Variants in GDPGP1 observed in about 807,000 individuals in gnomAD.
GDPGP1 encodes the protein GDP-D-glucose phosphorylase C15orf58.
Under a neutral mutation model 19.2 loss-of-function variants are expected in GDPGP1, and 18 were observed. The observed-to-expected ratio is 0.94, with a 90% CI of 0.65 to 1.39. GDPGP1 has a LOEUF of 1.39. GDPGP1 is among the 40% of genes most tolerant of loss of function. GDPGP1 has a pLI of 0.00. For missense variants in GDPGP1, 449 were observed against 490.5 expected (o/e 0.92, Z 0.80); for synonymous variants, 219 against 208.9 (o/e 1.05, Z -0.42).
In GDPGP1 at chr15:90,242,328, T is replaced by G. The variant is rs933681737; in HGVS notation, c.*262T>G. 1.5e-5 allele frequency: 4 copies of G among 269,414 alleles called. No homozygotes were observed. The highest frequency in any genetic ancestry group is 5.2e-5 in the Admixed American group (1 of 19,324). The allele number at this position is 269,414 out of a possible 1,614,324, so 16.7% of individuals were successfully genotyped here. A position where few individuals can be genotyped will look rare whatever the true frequency, so the allele number is the denominator to read the frequency against. On this transcript the variant is annotated 3_prime_UTR_variant, in exon 4 of 4. Transcript: ENST00000329600. ...TTTATATAGACAGCGTTTCACCATGTTGCCCAGGCTGGTCTTGAACTCTTG... is the reference window on the plus strand; with the variant it reads ...TTTATATAGACAGCGTTTCACCATGGTGCCCAGGCTGGTCTTGAACTCTTG...
rs1962767778 is a variant in GDPGP1, at chr15:90,241,809, T to G, written c.901T>G (p.Ser301Ala). 6.2e-7 allele frequency: 1 copy of G among 1,614,118 alleles called. No homozygotes were observed. The highest frequency in any genetic ancestry group is 8.5e-7 in the Non-Finnish European group (1 of 1,180,046). Residue 301 changes from serine to alanine, a missense_variant, in exon 4 of 4, where the codon TCA becomes GCA. Coordinates refer to ENST00000329600, the MANE Select transcript of GDPGP1 (RefSeq NM_001013657.3). ...VTRGAPPGKT[S>A]PSSALTGVRV... ...CCGGGGAGCTCCGCCGGGAAAGACATCACCTTCCTCAGCCCTCACAGGGGT... is the reference window on the plus strand; with the variant it reads ...CCGGGGAGCTCCGCCGGGAAAGACAGCACCTTCCTCAGCCCTCACAGGGGT...
chr15:90,241,102 C>T lies in GDPGP1; in HGVS notation c.194C>T (p.Ser65Phe), dbSNP rs1385656654. The change falls in exon 4 of 4, where the codon TCT becomes TTT. Residue 65 changes from serine to phenylalanine, a missense_variant. Coordinates refer to ENST00000329600, the MANE Select transcript of GDPGP1 (RefSeq NM_001013657.3). Reference sequence around the variant, plus strand: ...TCTCCCTTTGATGCTGCACTCTGCTCTGCCTGGAAGCAGCGGGTGGAGCTG... The same window carrying T: ...TCTCCCTTTGATGCTGCACTCTGCTTTGCCTGGAAGCAGCGGGTGGAGCTG... Reference protein sequence around the residue: ...PQSPFDAALCSAWKQRVELGL... With the variant: ...PQSPFDAALCFAWKQRVELGL... 1.9e-6 allele frequency: 3 copies of T among 1,614,184 alleles called. No individual in the cohort carries two copies.
At chr15:90,240,106 C>CTATAAT (rs200702558) in intron 3 of GDPGP1, among the ~76,000 whole-genome samples, 3,666 of 151,984 alleles carry the variant, frequency 0.024, 142 homozygotes, top group African/African-American at 0.08. Flanking sequence ...TCCTATAATC[C>CTATAAT]CAGCTACTTG....
Position 90,237,505 on chromosome 15 carries a change from C to T in GDPGP1, c.-66-987C>T, listed in dbSNP as rs148826632. Among the ~76,000 whole-genome samples, 1,158 of 152,026 alleles carry T rather than the reference C, an allele frequency of 7.6e-3. 8 individuals are homozygous for T. Among genetic ancestry groups the T allele is most frequent in the Non-Finnish European group, 0.012 (790 of 67,948 alleles). ...TTCACCATGTTGGCCAGGATGGTCT[C>T]GGTATCTTGACCTCGTGATTCACCT... is the stretch of plus-strand genomic sequence containing the variant. On this transcript the variant is annotated intron_variant, in intron 2 of 3. Coordinates refer to ENST00000329600, the MANE Select transcript of GDPGP1 (RefSeq NM_001013657.3).
In GDPGP1 at chr15:90,241,034, G is replaced by C; in HGVS notation, c.126G>C (p.Gln42His). Residue 42 changes from glutamine (Q) to histidine (H), a missense_variant, in exon 4 of 4, where the codon CAG (glutamine) becomes CAC (histidine). Gln to His is a conservative substitution (Grantham distance 24). Coordinates refer to ENST00000329600, the MANE Select transcript of GDPGP1 (RefSeq NM_001013657.3). Reference protein sequence around the residue: ...GQKDLMAEGIQWPRNAPGIPD... With the variant: ...GQKDLMAEGIHWPRNAPGIPD... ...AGGATCTCATGGCAGAAGGGATTCAGTGGCCAAGGAATGCACCTGGCATCC... is the reference window on the plus strand; with the variant it reads ...AGGATCTCATGGCAGAAGGGATTCACTGGCCAAGGAATGCACCTGGCATCC... The C allele has an allele frequency of 6.2e-7, 1 of 1,614,156 alleles. No individual in the cohort carries two copies. Among genetic ancestry groups the C allele is most frequent in the Non-Finnish European group, 8.5e-7 (1 of 1,180,014 alleles).
Position 90,242,762 on chromosome 15 carries a change from T to C in GDPGP1, c.*696T>C, listed in dbSNP as rs1002467825. 1.3e-5 allele frequency: 2 copies of C among 152,326 alleles called. No homozygotes were observed. The highest frequency in any genetic ancestry group is 2.9e-5 in the Non-Finnish European group (2 of 68,136). 9.4% of individuals were successfully genotyped at this position (152,326 alleles called of 1,614,324 possible). On this transcript the variant is annotated 3_prime_UTR_variant, in exon 4 of 4. Coordinates refer to ENST00000329600, the MANE Select transcript of GDPGP1 (RefSeq NM_001013657.3). The stretch of plus-strand genomic sequence containing the variant: ...ACACCCAGCCAGGATGTATTCATTT[T>C]CTACCTGATGAGTCCCTTTCCAGAG...
Position 90,241,137 on chromosome 15 carries a change from C to T in GDPGP1, c.229C>T (p.Arg77Cys), listed in dbSNP as rs771242661. The T allele has an allele frequency of 3.3e-5, 54 of 1,614,014 alleles. 1 individual carries two copies. The highest frequency in any genetic ancestry group is 3.3e-4 in the Admixed American group (20 of 59,992). Reference sequence around the variant, plus strand: ...GCAGCGGGTGGAGCTGGGGCTGTTTCGCTACCGTCTACGGGAGCTACAGAC... The same window carrying T: ...GCAGCGGGTGGAGCTGGGGCTGTTTTGCTACCGTCTACGGGAGCTACAGAC... ...WKQRVELGLF[R>C]YRLRELQTQI... The change falls in exon 4 of 4, where the codon CGC (arginine) becomes TGC (cysteine). Residue 77 changes from arginine to cysteine, a missense_variant. Physicochemically the swap from Arg to Cys is radical, Grantham distance 180 (BLOSUM62 -3). Coordinates refer to ENST00000329600, the MANE Select transcript of GDPGP1 (RefSeq NM_001013657.3).
chr15:90,245,663 G>A lies in GDPGP1; in HGVS notation c.*3597G>A, dbSNP rs1962847443. ...GAGTTCGGATGACCATTACAGCAAA[G>A]TGGATTTTGCGTTCAAAGTGATAAG... On this transcript the variant is annotated 3_prime_UTR_variant, in exon 4 of 4. Transcript: ENST00000329600. 6.6e-6 allele frequency: 1 copy of A among 152,068 alleles called. No homozygotes were observed. The highest frequency in any genetic ancestry group is 2.1e-4 in the South Asian group (1 of 4,828). 9.4% of individuals were successfully genotyped at this position (152,068 alleles called of 1,614,324 possible).
At chr15:90,237,544 A>G (rs1962661842) in intron 2 of GDPGP1, among the ~76,000 whole-genome samples, 1 of 151,730 alleles carries the variant, frequency 6.6e-6, no homozygotes, top group African/African-American at 2.4e-5. Context: ...TCAGCCTCCC[A>G]ATGTGCTGGT....
intron 3 of GDPGP1, among the ~76,000 whole-genome samples, chr15:90,239,325 G>GTC (rs1267662582): frequency 1.3e-5 from 2 of 151,908 alleles, no homozygotes; most frequent in Non-Finnish European, 2.9e-5. Flanking sequence ...GTGTGTGTGT[G>GTC]TGTGTGTGTG....
At position 90,242,782 on chromosome 15, in the gene GDPGP1, C is replaced by G. The variant is rs1353842391; in HGVS notation, c.*716C>G. The G allele has an allele frequency of 6.6e-6, 1 of 152,194 alleles. No individual in the cohort carries two copies. Among genetic ancestry groups the G allele is most frequent in the Non-Finnish European group, 1.5e-5 (1 of 68,080 alleles). The allele number at this position is 152,194 out of a possible 1,614,324, so 9.4% of individuals were successfully genotyped here. On this transcript the variant is annotated 3_prime_UTR_variant, in exon 4 of 4. Coordinates refer to ENST00000329600, the MANE Select transcript of GDPGP1 (RefSeq NM_001013657.3). Reference sequence around the variant, plus strand: ...CATTTTCTACCTGATGAGTCCCTTTCCAGAGCACTGTCCATCATAGTCCTT... The same window carrying G: ...CATTTTCTACCTGATGAGTCCCTTTGCAGAGCACTGTCCATCATAGTCCTT...
rs542665705 is a variant in GDPGP1 at position 90,245,613 on chromosome 15, A to T, written c.*3547A>T. The T allele has an allele frequency of 2.8e-4, 42 of 152,274 alleles. No individual in the cohort carries two copies. Among genetic ancestry groups the T allele is most frequent in the African/African-American group, 9.9e-4 (41 of 41,556 alleles). The allele number at this position is 152,274 out of a possible 1,614,324, so 9.4% of individuals were successfully genotyped here. A position where few individuals can be genotyped will look rare whatever the true frequency, so the allele number is the denominator to read the frequency against. ...TGCATAAGCTCCAGTATCACACTTA[A>T]TTTTGCTTGCTTGCTCTCTGAAGGG... On this transcript the variant is annotated 3_prime_UTR_variant, in exon 4 of 4. Transcript: ENST00000329600.
In GDPGP1 at chr15:90,241,804, A is replaced by C; in HGVS notation, c.896A>C (p.Lys299Thr). 5.0e-6 allele frequency: 8 copies of C among 1,614,254 alleles called. No homozygotes were observed. Among genetic ancestry groups the C allele is most frequent in the African/African-American group, 1.3e-5 (1 of 75,068 alleles). ...GTCACCCGGGGAGCTCCGCCGGGAA[A>C]GACATCACCTTCCTCAGCCCTCACA... ...LFVTRGAPPG[K>T]TSPSSALTGV... The change falls in exon 4 of 4, where the codon AAG becomes ACG. Residue 299 changes from lysine (K) to threonine (T), a missense_variant. Lys to Thr is a moderately conservative substitution (Grantham distance 78). Transcript: ENST00000329600.
At position 90,241,567 on chromosome 15, in the gene GDPGP1, ATGGCTATTACCTGGC is replaced by A. The variant is rs757640966; in HGVS notation, c.660_674del (p.Gly221_Ala225del). The A allele has an allele frequency of 6.2e-7, 1 of 1,613,320 alleles. No homozygotes were observed. The highest frequency in any genetic ancestry group is 1.3e-5 in the African/African-American group (1 of 75,062). ...GCCTCGGTGAACCACCTCCACCTGC[ATGGCTATTACCTGGC>A]CCACAGACTGCCCGTGGAGCAGGCG... On this transcript the variant is annotated inframe_deletion, in exon 4 of 4. Transcript: ENST00000329600.
Position 90,242,002 on chromosome 15 carries a change from C to T in GDPGP1, c.1094C>T (p.Pro365Leu). The change falls in exon 4 of 4, where the codon CCC becomes CTC. Residue 365 changes from proline (P) to leucine (L), a missense_variant. Coordinates refer to ENST00000329600, the MANE Select transcript of GDPGP1 (RefSeq NM_001013657.3). Reference protein sequence around the residue: ...AVALIQDCRLPPSQAEDVQAA... With the variant: ...AVALIQDCRLLPSQAEDVQAA... ...GCCCTCATTCAGGACTGTCGGCTGC[C>T]CCCATCCCAGGCAGAAGACGTACAG... 1 of 1,614,116 alleles carries T rather than the reference C, an allele frequency of 6.2e-7. No individual in the cohort carries two copies. The highest frequency in any genetic ancestry group is 1.1e-5 in the South Asian group (1 of 91,084).
chr15:90,238,161 G>T (rs572673929), intron 2 of GDPGP1, among the ~76,000 whole-genome samples: 1 of 152,102 alleles, frequency 6.6e-6, no homozygotes, highest in Non-Finnish European at 1.5e-5. Flanking sequence ...TTAGCCGGGC[G>T]TGGTGACACA....
intron 2 of GDPGP1, among the ~76,000 whole-genome samples, chr15:90,236,685 C>T (rs1962642211): frequency 6.6e-6 from 1 of 151,066 alleles, no homozygotes; most frequent in South Asian, 2.1e-4. Flanking sequence ...AGGAGTGCAC[C>T]ACCACGCCCA....
rs1025661014 is a variant in GDPGP1 at position 90,242,817 on chromosome 15, A to C, written c.*751A>C. On this transcript the variant is annotated 3_prime_UTR_variant, in exon 4 of 4. Transcript: ENST00000329600. ...GTCCATCATAGTCCTTTGGACATTT[A>C]TTTTCATGGCTGCCTTCTCACCTGT... 1.3e-5 allele frequency: 2 copies of C among 152,060 alleles called. No individual in the cohort carries two copies. The highest frequency in any genetic ancestry group is 1.3e-4 in the Admixed American group (2 of 15,256). The allele number at this position is 152,060 out of a possible 1,614,324, so 9.4% of individuals were successfully genotyped here.
At chr15:90,234,617 G>T (rs1429875157) in intron 2 of GDPGP1, 21 bp downstream of exon 2, 1 of 151,908 alleles carries the variant, frequency 6.6e-6, no homozygotes, top group East Asian at 1.9e-4. Flanking sequence ...ATTTTACAAA[G>T]ATGGAAATAC....
Sources: gnomAD v4.1 joint callset for allele counts (sites outside exome capture counted in the v4.1 genomes callset) on GRCh38, gnomAD v4.1.1 for gene constraint, MANE v1.5 for transcripts, NCBI Gene and HGNC (gene_info 2026-07-23, HGNC 2026-07-21) for gene names.